Variants in SLC39A10 observed in about 807,000 individuals in gnomAD.
SLC39A10 encodes solute carrier family 39 member 10.
SLC39A10 carries 13 observed loss-of-function variants against 65.1 expected under a neutral mutation model. The observed-to-expected ratio is 0.20, with a 90% CI of 0.13 to 0.32. SLC39A10 has a LOEUF of 0.32. Ranked by LOEUF, SLC39A10 falls within the 10% of genes least tolerant of loss-of-function variation. SLC39A10 has a pLI of 1.00. For missense variants in SLC39A10, 831 were observed against 1,018.4 expected, an observed-to-expected ratio of 0.82 and a Z score of 2.50; for synonymous variants, 321 against 342.2, an observed-to-expected ratio of 0.94 and a Z score of 0.68.
At chr2:195,654,583 G>A (rs1420219933), upstream of SLC39A10, among the ~76,000 whole-genome samples, 1 of 152,128 alleles carries the variant, frequency 6.6e-6, no homozygotes, top group African/African-American at 2.4e-5. Context: ...ACATAATTCA[G>A]TACCTCTCTT....
At chr2:195,685,030 A>G (rs1690472987) in intron 3 of SLC39A10, among the ~76,000 whole-genome samples, 1 of 152,306 alleles carries the variant, frequency 6.6e-6, no homozygotes, top group African/African-American at 2.4e-5. Flanking sequence ...CTCAGAGCTA[A>G]TAAGTGGTAG....
At chr2:195,679,936 C>CT (rs1317828554) in intron 1 of SLC39A10, 96 bp from the exon 2 acceptor site, 2 of 1,058,814 alleles carry the variant, frequency 1.9e-6, no homozygotes, top group South Asian at 2.2e-5. Context: ...TGGAGTAAAA[C>CT]TTTTTTTAGT....
intron 2 of SLC39A10, among the ~76,000 whole-genome samples, chr2:195,629,631 T>C (rs1688543429): frequency 6.6e-6 from 1 of 152,202 alleles, no homozygotes; most frequent in Non-Finnish European, 1.5e-5. Flanking sequence ...CAGACAGCAT[T>C]CTGGAGGAGA....
At chr2:195,636,810 A>T (rs1398131713) in intron 2 of SLC39A10, among the ~76,000 whole-genome samples, 1 of 152,088 alleles carries the variant, frequency 6.6e-6, no homozygotes, top group Non-Finnish European at 1.5e-5. Context: ...CCAAGGTGGG[A>T]GGATCGTTTG....
intron 4 of SLC39A10, among the ~76,000 whole-genome samples, chr2:195,708,133 T>C (rs1371756513): frequency 6.6e-6 from 1 of 152,146 alleles, no homozygotes; most frequent in African/African-American, 2.4e-5. Flanking sequence ...GATGAAATAA[T>C]CTGTACAACA....
chr2:195,636,710 G>A (rs916760881), intron 2 of SLC39A10, among the ~76,000 whole-genome samples: 7 of 151,942 alleles, frequency 4.6e-5, no homozygotes, highest in Admixed American at 1.3e-4. Flanking sequence ...CCTAGATCGC[G>A]CCACTGCACT....
chr2:195,665,688 CTGTT>C, intron 1 of SLC39A10, among the ~76,000 whole-genome samples: 1 of 152,248 alleles, frequency 6.6e-6, no homozygotes, highest in East Asian at 1.9e-4. Context: ...AGTCCCCTGT[CTGTT>C]CCTTTCATAT....
At chr2:195,691,117 C>T (rs1223092125) in intron 3 of SLC39A10, among the ~76,000 whole-genome samples, 1 of 152,128 alleles carries the variant, frequency 6.6e-6, no homozygotes, top group Non-Finnish European at 1.5e-5. Flanking sequence ...GTGTTCAATT[C>T]CTGAGTTACT....
chr2:195,653,733 G>C (rs1343750006), upstream of SLC39A10, among the ~76,000 whole-genome samples: 1 of 152,200 alleles, frequency 6.6e-6, no homozygotes, highest in African/African-American at 2.4e-5. Context: ...TAGTTGGGAG[G>C]CTTAAAATTT....
rs551392411 is a variant in SLC39A10, at chr2:195,618,985, C to T, written c.-12+12752C>T. On this transcript the variant is annotated intron_variant, in intron 2 of 2. Coordinates refer to the SLC39A10 transcript ENST00000458054. ...GCGGGTGCCTGTAATCCCAGCTACT[C>T]GGGTGGCTGAGGCAGGAGAATCGCT... is the stretch of plus-strand genomic sequence containing the variant. Among the ~76,000 whole-genome samples, 30 of 149,488 alleles carry T rather than the reference C, an allele frequency of 2.0e-4. 1 individual carries two copies. In the South Asian group the frequency reaches 5.8e-3, roughly 29 times the overall value.
At chr2:195,710,633 C>T (rs1287696345) in intron 5 of SLC39A10, among the ~76,000 whole-genome samples, 1 of 152,176 alleles carries the variant, frequency 6.6e-6, no homozygotes, top group Admixed American at 6.5e-5. Flanking sequence ...AGAAATCTTA[C>T]TTCTCATCTG....
At chr2:195,722,478 G>A (rs1343465505) in intron 8 of SLC39A10, among the ~76,000 whole-genome samples, 1 of 152,174 alleles carries the variant, frequency 6.6e-6, no homozygotes, top group Middle Eastern at 3.2e-3. Context: ...CCTAGTTTTT[G>A]CCTTAAGGCA....
At chr2:195,681,755 G>A (rs1022986216) in intron 2 of SLC39A10, among the ~76,000 whole-genome samples, 7 of 152,028 alleles carry the variant, frequency 4.6e-5, no homozygotes, top group Non-Finnish European at 1.0e-4. Context: ...CCATGTTCTA[G>A]GTATTTGAAA....
chr2:195,708,565 G>A (rs776071594), intron 4 of SLC39A10, 91 bp from the exon 5 acceptor site: 154 of 965,102 alleles, frequency 1.6e-4, no homozygotes, highest in Non-Finnish European at 2.2e-4. Flanking sequence ...TTTTTTCTGT[G>A]TCATTTAGGA....
intron 2 of SLC39A10, among the ~76,000 whole-genome samples, chr2:195,641,685 C>CTTTTT (rs757617526): frequency 7.8e-6 from 1 of 128,118 alleles, no homozygotes; most frequent in African/African-American, 2.9e-5. Flanking sequence ...TAGTATAGTT[C>CTTTTT]TTTTTTTTTT....
At chr2:195,651,722 G>T (rs763680644) in intron 2 of SLC39A10, among the ~76,000 whole-genome samples, 1 of 152,090 alleles carries the variant, frequency 6.6e-6, no homozygotes, top group Non-Finnish European at 1.5e-5. Flanking sequence ...TGATCCACCC[G>T]CTTTGGCCTC....
chr2:195,623,922 C>T (rs1471558270), intron 2 of SLC39A10, among the ~76,000 whole-genome samples: 1 of 151,692 alleles, frequency 6.6e-6, no homozygotes, highest in Non-Finnish European at 1.5e-5. Flanking sequence ...CACACACACA[C>T]ACACACACAC....
chr2:195,627,002 A>G (rs1688487806), intron 2 of SLC39A10, among the ~76,000 whole-genome samples: 1 of 152,186 alleles, frequency 6.6e-6, no homozygotes, highest in Non-Finnish European at 1.5e-5. Flanking sequence ...TCAAAGCATT[A>G]ATCTGTATTT....
At chr2:195,641,270 G>A (rs888959371) in intron 2 of SLC39A10, among the ~76,000 whole-genome samples, 2 of 152,264 alleles carry the variant, frequency 1.3e-5, no homozygotes, top group South Asian at 4.1e-4. Context: ...TAATCAGAGG[G>A]TGCAAGGGGA....
Sources: gnomAD v4.1 joint callset for allele counts (sites outside exome capture counted in the v4.1 genomes callset) on GRCh38, gnomAD v4.1.1 for gene constraint, MANE v1.5 for transcripts, NCBI Gene and HGNC (gene_info 2026-07-23, HGNC 2026-07-21) for gene names.